The following NEDD9 variants were observed in gnomAD, a reference collection of about 807,000 sequenced individuals.
NEDD9 encodes the protein enhancer of filamentation 1.
A neutral mutation model predicts 76.6 loss-of-function variants in NEDD9; 26 were observed. The ratio of observed to expected loss-of-function variants is 0.34; its 90% confidence interval spans 0.25 to 0.47. The LOEUF (loss-of-function observed/expected upper bound fraction) is 0.47, where lower values mean the gene tolerates loss of function less well. NEDD9 is among the 20% of genes least tolerant of loss of function. The probability of loss-of-function intolerance (pLI) is 1.00; values close to 1 mark genes in which losing one functional copy is unlikely to be tolerated. For missense variants in NEDD9, 937 were observed against 1,058.5 expected (o/e 0.89, Z 1.59); for synonymous variants, 392 against 414.2 (o/e 0.95, Z 0.65).
At chr6:11,354,560 T>A (rs1404205923) in intron 1 of NEDD9, among the ~76,000 whole-genome samples, 2 of 152,302 alleles carry the variant, frequency 1.3e-5, no homozygotes, top group East Asian at 3.9e-4. Flanking sequence ...TGCCCGTGCA[T>A]CAGCCAATCA....
chr6:11,227,046 G>T (rs1214436268), intron 1 of NEDD9, among the ~76,000 whole-genome samples: 2 of 152,060 alleles, frequency 1.3e-5, no homozygotes, highest in Non-Finnish European at 2.9e-5. Context: ...ATGGCTATTT[G>T]TGTATACATT....
At chr6:11,302,616 A>G (rs1761079164) in intron 3 of NEDD9, among the ~76,000 whole-genome samples, 1 of 152,210 alleles carries the variant, frequency 6.6e-6, no homozygotes, top group Admixed American at 6.6e-5. Context: ...AAAATCCTCA[A>G]TAAAATACTG....
Position 11,330,176 on chromosome 6 carries a change from C to T in NEDD9, c.-153+4325G>A, listed in dbSNP as rs150692347. Among the ~76,000 whole-genome samples the T allele has an allele frequency of 7.0e-3, 1,069 of 152,288 alleles. 10 individuals are homozygous for T. The highest frequency in any genetic ancestry group is 0.027 in the Middle Eastern group (8 of 294). The stretch of plus-strand genomic sequence containing the variant: ...TGTTAGGCAGCACGAGTCCATACAG[C>T]GGGAGCTTAGATGCACTGAGATCAC... On this transcript the variant is annotated intron_variant, in intron 2 of 3. Transcript: ENST00000397378.
chr6:11,297,442 C>T (rs994692122), intron 3 of NEDD9, among the ~76,000 whole-genome samples: 5 of 152,164 alleles, frequency 3.3e-5, no homozygotes, highest in African/African-American at 1.2e-4. Flanking sequence ...TTAGCACAGG[C>T]TTCCCCAGTG....
At chr6:11,352,866 C>G (rs914236934) in intron 1 of NEDD9, 1 of 152,180 alleles carries the variant, frequency 6.6e-6, no homozygotes, top group Admixed American at 6.5e-5. Context: ...TTAATCAGAG[C>G]CTCAGTTTCT....
At chr6:11,358,768 A>G (rs2113548573) in intron 1 of NEDD9, among the ~76,000 whole-genome samples, 1 of 152,300 alleles carries the variant, frequency 6.6e-6, no homozygotes, top group South Asian at 2.1e-4. Context: ...GTGAAAGATT[A>G]TGGGATGAAT....
chr6:11,316,493 G>C (rs1256974263), intron 2 of NEDD9, among the ~76,000 whole-genome samples: 1 of 152,112 alleles, frequency 6.6e-6, no homozygotes, highest in Non-Finnish European at 1.5e-5. Flanking sequence ...CATCTCAGTT[G>C]CCTCTGTCTT....
At chr6:11,372,411 C>T (rs957154378) in intron 1 of NEDD9, among the ~76,000 whole-genome samples, 9 of 152,160 alleles carry the variant, frequency 5.9e-5, no homozygotes, top group African/African-American at 2.2e-4. Flanking sequence ...TTGATGGACA[C>T]TTAGGTTTCT....
At chr6:11,328,466 A>C (rs1420348315) in intron 2 of NEDD9, 1 of 152,256 alleles carries the variant, frequency 6.6e-6, no homozygotes, top group Non-Finnish European at 1.5e-5. Flanking sequence ...GCTCCTGGAT[A>C]AAAGAAAAGA....
intron 6 of NEDD9, among the ~76,000 whole-genome samples, chr6:11,187,339 C>T (rs971211836): frequency 2.0e-5 from 3 of 152,172 alleles, no homozygotes; most frequent in Non-Finnish European, 4.4e-5. Flanking sequence ...TTTGTATGCC[C>T]TTGTTCTAGC....
At chr6:11,305,112 T>C (rs757322955) in intron 3 of NEDD9, 14 of 1,289,138 alleles carry the variant, frequency 1.1e-5, no homozygotes, top group Non-Finnish European at 5.1e-6. Flanking sequence ...CTTGGCTTGA[T>C]ACGGTGCCCA....
intron 1 of NEDD9, among the ~76,000 whole-genome samples, chr6:11,349,426 C>A (rs541919328): frequency 7.9e-5 from 12 of 152,232 alleles, no homozygotes; most frequent in African/African-American, 1.7e-4. Flanking sequence ...TGGGTATATA[C>A]CCAAAGAAAT....
chr6:11,327,883 C>T (rs186944626), intron 2 of NEDD9, among the ~76,000 whole-genome samples: 9 of 152,332 alleles, frequency 5.9e-5, no homozygotes, highest in Non-Finnish European at 1.0e-4. Context: ...GTATTCACAA[C>T]ATTAGGAGAT....
chr6:11,347,516 T>C (rs1437680539), intron 1 of NEDD9, among the ~76,000 whole-genome samples: 2 of 152,118 alleles, frequency 1.3e-5, no homozygotes, highest in Non-Finnish European at 2.9e-5. Flanking sequence ...TTCAGGCCAA[T>C]ATCCTTGATG....
chr6:11,377,943 A>G (rs1762993584), intron 1 of NEDD9, among the ~76,000 whole-genome samples: 1 of 152,194 alleles, frequency 6.6e-6, no homozygotes, highest in African/African-American at 2.4e-5. Context: ...ATTAGTTTAC[A>G]TGAGATCTGG....
intron 2 of NEDD9, among the ~76,000 whole-genome samples, chr6:11,315,690 A>G (rs1221620713): frequency 1.3e-5 from 2 of 152,206 alleles, no homozygotes; most frequent in African/African-American, 4.8e-5. Flanking sequence ...CTTATAAATG[A>G]ATTCAAAATC....
chr6:11,333,043 A>AAAGGAAGG (rs201772627), intron 2 of NEDD9, among the ~76,000 whole-genome samples: 2 of 64,368 alleles, frequency 3.1e-5, no homozygotes, highest in Non-Finnish European at 5.7e-5. Flanking sequence ...AGGAAGGAAA[A>AAAGGAAGG]AAGGAAGGAA....
chr6:11,265,924 G>A (rs9394004), intron 3 of NEDD9, among the ~76,000 whole-genome samples: 48,668 of 151,376 alleles, frequency 0.32, 7,972 homozygotes, highest in African/African-American at 0.4. Context: ...AGTGAAACAA[G>A]CCAGACACAG....
intron 1 of NEDD9, among the ~76,000 whole-genome samples, chr6:11,355,949 C>T (rs1167067743): frequency 6.6e-6 from 1 of 152,142 alleles, no homozygotes; most frequent in Non-Finnish European, 1.5e-5. Context: ...TCTCGATCTC[C>T]TGACCTCGTG....
Sources: allele counts gnomAD v4.1 joint callset (sites outside exome capture counted in the v4.1 genomes callset), GRCh38; gene constraint gnomAD v4.1.1; transcripts MANE v1.5; gene names NCBI Gene and HGNC (gene_info 2026-07-23, HGNC 2026-07-21).